The following FAM167A variants were observed in gnomAD, a reference collection of about 807,000 sequenced individuals.
The protein encoded by FAM167A is protein FAM167A.
In FAM167A, 23 loss-of-function variants were observed where a neutral mutation model predicts 14.9. The ratio of observed to expected loss-of-function variants is 1.55; its 90% CI spans 1.11 to 2.19. The LOEUF (loss-of-function observed/expected upper bound fraction) is 2.19. Ranked by LOEUF, FAM167A falls within the 30% of genes most tolerant of loss-of-function variation. FAM167A has a pLI of 0.00. For synonymous variants in FAM167A, 174 were observed against 117.7 expected (o/e 1.48, Z -3.10); for missense variants, 401 against 281.5 (o/e 1.42, Z -3.04).
chr8:11,458,745 T>C (rs766766850), intron 1 of FAM167A, among the ~76,000 whole-genome samples: 11 of 151,464 alleles, frequency 7.3e-5, no homozygotes, highest in Non-Finnish European at 5.9e-5. Flanking sequence ...AGCCCGTCTG[T>C]AGTAAAAAGG....
rs773785540 is a variant in FAM167A, at chr8:11,424,322, CCTCCAGCCCAAGCCCTCCG to C, written c.*32_*50del. 6.2e-7 allele frequency: 1 copy of C among 1,603,460 alleles called. No individual in the cohort carries two copies. The highest frequency in any genetic ancestry group is 8.5e-7 in the Non-Finnish European group (1 of 1,172,696). On this transcript the variant is annotated 3_prime_UTR_variant, in exon 3 of 3. Coordinates refer to ENST00000284486, the MANE Select transcript of FAM167A (RefSeq NM_053279.3). ...CTTGGCCTCAGCTTCCTCTGACACC[CCTCCAGCCCAAGCCCTCCG>C]CTCCAGCCCCTCCGCCCAGTCTGAG...
At position 11,439,640 on chromosome 8, in the gene FAM167A, T is replaced by C. The variant is rs565354925; in HGVS notation, c.381+4391A>G. On this transcript the variant is annotated intron_variant, in intron 2 of 2. Transcript: ENST00000284486. The stretch of plus-strand genomic sequence containing the variant: ...GAGGAGACTGCGGGAGGAGGGTGTC[T>C]GCAGGGATCACACACCTGCGTGAAA... Among the ~76,000 whole-genome samples the C allele has an allele frequency of 9.9e-5, 15 of 151,860 alleles. No individual in the cohort carries two copies. In the East Asian group the frequency reaches 3.0e-3, roughly 30 times the overall value.
intron 2 of FAM167A, chr8:11,434,924 G>C: frequency 4.8e-6 from 2 of 413,120 alleles, no homozygotes; most frequent in Non-Finnish European, 9.8e-6. Context: ...ACTGCTGCTG[G>C]CTGGGTGAGG....
chr8:11,441,013 G>A (rs932117751), intron 2 of FAM167A, among the ~76,000 whole-genome samples: 2 of 152,124 alleles, frequency 1.3e-5, no homozygotes, highest in Non-Finnish European at 1.5e-5. Context: ...AAGGGTTTTT[G>A]CAAGTTGCTT....
At chr8:11,430,167 G>C (rs1335215592) in intron 2 of FAM167A, among the ~76,000 whole-genome samples, 1 of 152,200 alleles carries the variant, frequency 6.6e-6, no homozygotes, top group Admixed American at 6.5e-5. Flanking sequence ...GTGTCTCTCT[G>C]AGAACAAAAG....
At chr8:11,430,527 T>TTCAAATAGGTGAACTGTA (rs1805508372) in intron 2 of FAM167A, among the ~76,000 whole-genome samples, 1 of 152,200 alleles carries the variant, frequency 6.6e-6, no homozygotes, top group South Asian at 2.1e-4. Context: ...GAATTGCTAT[T>TTCAAATAGGTGAACTGTA]TCAAATAGGT....
chr8:11,444,346 T>A lies in FAM167A; in HGVS notation c.66A>T (p.Pro22=), dbSNP rs1210738091. The change falls in exon 2 of 3, where the codon CCA becomes CCT. Residue 22 remains proline (P), a synonymous_variant. Coordinates refer to ENST00000284486, the MANE Select transcript of FAM167A (RefSeq NM_053279.3). ...GAEEGAGAAA[P]PDDHLRSLKA... is the part of the protein sequence containing the mutation. Reference sequence around the variant, plus strand: ...TCAGGCTCCGGAGGTGGTCATCGGGTGGTGCGGCTGCTCCCGCCCCCTCTT... The same window carrying A: ...TCAGGCTCCGGAGGTGGTCATCGGGAGGTGCGGCTGCTCCCGCCCCCTCTT... 1.2e-6 allele frequency: 2 copies of A among 1,603,518 alleles called. No individual in the cohort carries two copies. The highest frequency in any genetic ancestry group is 1.3e-5 in the African/African-American group (1 of 74,354).
intron 1 of FAM167A, among the ~76,000 whole-genome samples, chr8:11,457,202 T>C (rs192253736): frequency 1.1e-4 from 17 of 151,930 alleles, no homozygotes; most frequent in Admixed American, 1.1e-3. Flanking sequence ...CAAGCACCCC[T>C]GTGGTCTACC....
chr8:11,448,690 TA>T (rs1806893752), intron 1 of FAM167A, among the ~76,000 whole-genome samples: 1 of 152,226 alleles, frequency 6.6e-6, no homozygotes, highest in African/African-American at 2.4e-5. Flanking sequence ...CTCCACTTAC[TA>T]AAACCATTCC....
At position 11,444,527 on chromosome 8, in the gene FAM167A, C is replaced by T; in HGVS notation, c.-116G>A. ...ATGGCCTCATCCAGGTGCCCGAGGGCATTTCCGGGACAGGAGCCGGCCTCA... is the reference window on the plus strand; with the variant it reads ...ATGGCCTCATCCAGGTGCCCGAGGGTATTTCCGGGACAGGAGCCGGCCTCA... On this transcript the variant is annotated 5_prime_UTR_variant, in exon 2 of 3. It removes an upstream start codon present in the reference 5' UTR. Transcript: ENST00000284486. 2 of 1,475,064 alleles carry T rather than the reference C, an allele frequency of 1.4e-6. No individual in the cohort carries two copies. The highest frequency in any genetic ancestry group is 1.8e-6 in the Non-Finnish European group (2 of 1,120,064). The allele number at this position is 1,475,064 out of a possible 1,614,324, so 91.4% of individuals were successfully genotyped here.
chr8:11,433,715 C>T (rs528659924), intron 2 of FAM167A, among the ~76,000 whole-genome samples: 1 of 152,290 alleles, frequency 6.6e-6, no homozygotes, highest in East Asian at 1.9e-4. Context: ...TCTTATCTCT[C>T]CTATCCCAGC....
chr8:11,433,754 T>C (rs975590267), intron 2 of FAM167A, among the ~76,000 whole-genome samples: 121 of 152,182 alleles, frequency 8.0e-4, no homozygotes, highest in African/African-American at 2.8e-3. Flanking sequence ...CTCTGATGCA[T>C]GCTGAAAAGA....
intron 2 of FAM167A, among the ~76,000 whole-genome samples, chr8:11,425,765 T>C (rs1008549269): frequency 6.6e-6 from 1 of 152,094 alleles, no homozygotes. Flanking sequence ...GGCAGTAAGG[T>C]AGCAAATTCC....
At chr8:11,452,685 CA>C (rs1258804280) in intron 1 of FAM167A, among the ~76,000 whole-genome samples, 2 of 152,208 alleles carry the variant, frequency 1.3e-5, no homozygotes, top group South Asian at 2.1e-4. Context: ...GGTGAGGAAA[CA>C]GATAACTTTT....
At chr8:11,452,688 A>G (rs1807072371) in intron 1 of FAM167A, among the ~76,000 whole-genome samples, 1 of 152,232 alleles carries the variant, frequency 6.6e-6, no homozygotes, top group African/African-American at 2.4e-5. Context: ...GAGGAAACAG[A>G]TAACTTTTCT....
chr8:11,447,237 AAT>A (rs1295715163), intron 1 of FAM167A, among the ~76,000 whole-genome samples: 1 of 148,430 alleles, frequency 6.7e-6, no homozygotes, highest in Non-Finnish European at 1.5e-5. Flanking sequence ...GCTGGAGTGC[AAT>A]GGCGTGATCT....
chr8:11,438,680 T>G (rs12674532), intron 2 of FAM167A: 1 of 377,544 alleles, frequency 2.6e-6, no homozygotes, highest in East Asian at 7.2e-5. Context: ...GGTTCTTTTG[T>G]TTATACATTC....
At chr8:11,436,196 G>A (rs948827781) in intron 2 of FAM167A, among the ~76,000 whole-genome samples, 1 of 152,216 alleles carries the variant, frequency 6.6e-6, no homozygotes, top group Non-Finnish European at 1.5e-5. Flanking sequence ...CAAAGGGCTG[G>A]TAATGCCAAT....
In FAM167A at chr8:11,424,266, AC is replaced by A; in HGVS notation, c.*106del. The A allele has an allele frequency of 1.4e-6, 2 of 1,476,340 alleles. No individual in the cohort carries two copies. The allele number at this position is 1,476,340 out of a possible 1,614,324, so 91.5% of individuals were successfully genotyped here. On this transcript the variant is annotated 3_prime_UTR_variant, in exon 3 of 3. Transcript: ENST00000284486. ...GGCCCTTGAGTCGCCAGTCCCAGGG[AC>A]CCCTGCCTCCGGGAGACCCACTGGA...
Sources: gnomAD v4.1 joint callset for allele counts (sites outside exome capture counted in the v4.1 genomes callset) on GRCh38, gnomAD v4.1.1 for gene constraint, MANE v1.5 for transcripts, NCBI Gene and HGNC (gene_info 2026-07-23, HGNC 2026-07-21) for gene names.